Variants in ANP32B observed in about 807,000 individuals in gnomAD.
ANP32B encodes acidic nuclear phosphoprotein 32 family member B, also known as acidic leucine-rich nuclear phosphoprotein 32 family member B.
A neutral mutation model predicts 32.2 loss-of-function variants in ANP32B; 6 were observed. The observed-to-expected ratio is 0.19, with a 90% CI of 0.10 to 0.37. The LOEUF (loss-of-function observed/expected upper bound fraction) is 0.37. ANP32B is among the 10% of genes least tolerant of loss of function. ANP32B has a pLI of 1.00. For synonymous variants in ANP32B, 98 were observed against 105.8 expected (o/e 0.93, Z 0.45); for missense variants, 204 against 289.2 (o/e 0.71, Z 2.14).
chr9:97,994,591 T>C (rs746427879), intron 1 of ANP32B, 40 bp from the exon 2 acceptor site: 1 of 1,561,456 alleles, frequency 6.4e-7, no homozygotes, highest in Non-Finnish European at 8.6e-7. Flanking sequence ...GTTTTCAATG[T>C]GTTTTTGAGA....
chr9:98,011,201 A>G, intron 4 of ANP32B, 70 bp from the exon 5 acceptor site: 21 of 1,508,072 alleles, frequency 1.4e-5, no homozygotes, highest in Non-Finnish European at 1.9e-5. Flanking sequence ...GCCAGCCCAC[A>G]GATCCTCAAC....
At chr9:98,010,039 G>A (rs1386551757) in intron 4 of ANP32B, among the ~76,000 whole-genome samples, 2 of 151,848 alleles carry the variant, frequency 1.3e-5, no homozygotes, top group Non-Finnish European at 2.9e-5. Flanking sequence ...TGTGCTTGTT[G>A]TCTATTTAAG....
chr9:97,997,185 A>G (rs1827918962), intron 2 of ANP32B, among the ~76,000 whole-genome samples: 1 of 152,210 alleles, frequency 6.6e-6, no homozygotes, highest in East Asian at 1.9e-4. Flanking sequence ...AAAATCACCA[A>G]TAAAGCTAAC....
At chr9:98,000,455 A>G (rs1827971452) in intron 3 of ANP32B, among the ~76,000 whole-genome samples, 1 of 152,126 alleles carries the variant, frequency 6.6e-6, no homozygotes. Context: ...CCCCATTTCC[A>G]GTATTTAAGC....
intron 3 of ANP32B, among the ~76,000 whole-genome samples, chr9:98,004,357 G>A (rs186723279): frequency 5.9e-5 from 9 of 152,102 alleles, no homozygotes; most frequent in Non-Finnish European, 7.4e-5. Context: ...ATGTTTCTCC[G>A]TATTTCCGAA....
chr9:98,012,306 G>A, intron 5 of ANP32B, 115 bp from the exon 6 acceptor site: 1 of 1,208,738 alleles, frequency 8.3e-7, no homozygotes, highest in South Asian at 1.6e-5. Flanking sequence ...ACAGTTTCCT[G>A]CTTGATTGAT....
chr9:98,015,299 C>T, intron 6 of ANP32B, 65 bp from the exon 7 acceptor site: 2 of 1,534,876 alleles, frequency 1.3e-6, no homozygotes, highest in Middle Eastern at 1.7e-4. Context: ...TTGTTGCCTC[C>T]ATTGGCAATA....
Position 97,983,555 on chromosome 9 carries a change from C to G in ANP32B, c.-1C>G. The stretch of plus-strand genomic sequence containing the variant: ...GTTTGAAGAGGGGGGAAGAGGGGAA[C>G]ATGGACATGAAGAGGAGGATCCACC... On this transcript the variant is annotated 5_prime_UTR_variant, in exon 1 of 7. Coordinates refer to ENST00000339399, the MANE Select transcript of ANP32B (RefSeq NM_006401.3). 1.3e-6 allele frequency: 2 copies of G among 1,580,630 alleles called. No individual in the cohort carries two copies. The highest frequency in any genetic ancestry group is 1.2e-5 in the South Asian group (1 of 86,194).
rs1220493535 is a variant in ANP32B, at chr9:97,983,615, C to T, written c.54+6C>T. On this transcript the variant is annotated splice_donor_region_variant and intron_variant, in intron 1 of 6. Coordinates refer to ENST00000339399, the MANE Select transcript of ANP32B (RefSeq NM_006401.3). The stretch of plus-strand genomic sequence containing the variant: ...GGAACCGGACCCCGGCAGCTGTAAG[C>T]AGAGACCCCTCTGGGTGCCCTCTCC... 1 of 1,570,486 alleles carries T rather than the reference C, an allele frequency of 6.4e-7. No homozygotes were observed.
At chr9:97,990,119 C>G (rs543152863) in intron 1 of ANP32B, among the ~76,000 whole-genome samples, 1 of 152,172 alleles carries the variant, frequency 6.6e-6, no homozygotes, top group African/African-American at 2.4e-5. Context: ...TTTGTGTTCC[C>G]TAAAGAAATC....
chr9:98,004,523 G>C lies in ANP32B; in HGVS notation c.328-441G>C, dbSNP rs190433546. Among the ~76,000 whole-genome samples the C allele has an allele frequency of 7.6e-3, 1,162 of 152,184 alleles. 8 individuals are homozygous for C. The highest frequency in any genetic ancestry group is 8.8e-3 in the Admixed American group (134 of 15,286). On this transcript the variant is annotated intron_variant, in intron 3 of 6. Coordinates refer to ENST00000339399, the MANE Select transcript of ANP32B (RefSeq NM_006401.3). ...CTAAAATTGTAAGCACCCTAAGATTGTGTTATAAATCTCTGAATTTTTCCC... is the reference window on the plus strand; with the variant it reads ...CTAAAATTGTAAGCACCCTAAGATTCTGTTATAAATCTCTGAATTTTTCCC...
At chr9:97,984,146 G>C (rs1827655316) in intron 1 of ANP32B, among the ~76,000 whole-genome samples, 1 of 150,252 alleles carries the variant, frequency 6.7e-6, no homozygotes, top group Non-Finnish European at 1.5e-5. Flanking sequence ...AGCAGTCGTG[G>C]GGCGAGGAGG....
intron 4 of ANP32B, among the ~76,000 whole-genome samples, chr9:98,006,656 A>T (rs147480087): frequency 1.8e-3 from 270 of 152,330 alleles, no homozygotes; most frequent in Middle Eastern, 0.014. Flanking sequence ...ACTTTGTATA[A>T]TATGTGGCAA....
At chr9:97,994,091 A>C (rs1409828079) in intron 1 of ANP32B, among the ~76,000 whole-genome samples, 1 of 152,118 alleles carries the variant, frequency 6.6e-6, no homozygotes, top group African/African-American at 2.4e-5. Flanking sequence ...TTGCATCCTG[A>C]TTTTTTTTCC....
intron 1 of ANP32B, among the ~76,000 whole-genome samples, chr9:97,984,200 C>G (rs964742938): frequency 1.3e-5 from 2 of 150,666 alleles, no homozygotes; most frequent in African/African-American, 4.8e-5. Context: ...CCTCGGGCGC[C>G]TGGAGGCCTG....
At chr9:98,008,291 AAG>A (rs1258899773) in intron 4 of ANP32B, among the ~76,000 whole-genome samples, 6 of 152,178 alleles carry the variant, frequency 3.9e-5, no homozygotes, top group Non-Finnish European at 7.4e-5. Flanking sequence ...TGATTTTTGA[AAG>A]AGAGTGAGCC....
In ANP32B at chr9:98,015,417, G is replaced by A. The variant is rs1367645400; in HGVS notation, c.742G>A (p.Gly248Arg). ...GAGGAAGAGAGAAACAGATGATGAAGGAGAAGATGATTAAGACCCCAGATG... is the reference window on the plus strand; with the variant it reads ...GAGGAAGAGAGAAACAGATGATGAAAGAGAAGATGATTAAGACCCCAGATG... ...EKRKRETDDE[G>R]EDD Residue 248 changes from glycine to arginine, a missense_variant, in exon 7 of 7, where the codon GGA (glycine) becomes AGA (arginine). By Grantham distance (125) the Gly-to-Arg change is moderately radical (BLOSUM62 -2). Transcript: ENST00000339399. 6.5e-7 allele frequency: 1 copy of A among 1,549,752 alleles called. No homozygotes were observed. Among genetic ancestry groups the A allele is most frequent in the Non-Finnish European group, 8.7e-7 (1 of 1,146,718 alleles).
At chr9:98,004,088 G>A (rs1024862172) in intron 3 of ANP32B, among the ~76,000 whole-genome samples, 2 of 152,100 alleles carry the variant, frequency 1.3e-5, no homozygotes, top group Non-Finnish European at 2.9e-5. Flanking sequence ...TGAAATACTA[G>A]TACACTGATA....
chr9:97,985,833 T>G (rs1034461875), intron 1 of ANP32B, among the ~76,000 whole-genome samples: 1 of 151,486 alleles, frequency 6.6e-6, no homozygotes, highest in Non-Finnish European at 1.5e-5. Context: ...CTGTTTTTCT[T>G]TTTTTTTTGA....
Sources: gnomAD v4.1 joint callset for allele counts (sites outside exome capture counted in the v4.1 genomes callset) on GRCh38, gnomAD v4.1.1 for gene constraint, MANE v1.5 for transcripts, NCBI Gene and HGNC (gene_info 2026-07-23, HGNC 2026-07-21) for gene names.